SLC9A4: variants seen among roughly 807,000 people sequenced by gnomAD.
The protein encoded by SLC9A4 is sodium/hydrogen exchanger 4.
In SLC9A4, 63 loss-of-function variants were observed where a neutral mutation model predicts 67.4. The ratio of observed to expected loss-of-function variants is 0.93; its 90% CI spans 0.76 to 1.15. The LOEUF (loss-of-function observed/expected upper bound fraction) is 1.15, where lower values mean the gene tolerates loss of function less well. SLC9A4 is among the 50% of genes most tolerant of loss of function. The probability of loss-of-function intolerance (pLI) is 0.00; values close to 1 mark genes in which losing one functional copy is unlikely to be tolerated. For missense variants in SLC9A4, 1,089 were observed against 987.7 expected (o/e 1.10, Z -1.38); for synonymous variants, 393 against 367.2 (o/e 1.07, Z -0.80).
chr2:102,491,310 A>C (rs1573333709), intron 2 of SLC9A4, among the ~76,000 whole-genome samples: 1 of 80,122 alleles, frequency 1.2e-5, no homozygotes, highest in African/African-American at 4.0e-5. Flanking sequence ...TCCCATTTGT[A>C]CTAATGCTTT....
chr2:102,527,305 T>TA (rs1351047137), intron 11 of SLC9A4, among the ~76,000 whole-genome samples: 1 of 152,152 alleles, frequency 6.6e-6, no homozygotes, highest in African/African-American at 2.4e-5. Flanking sequence ...ATATGATACA[T>TA]AAAAGCAAAG....
At chr2:102,527,331 G>T (rs577409898) in intron 11 of SLC9A4, among the ~76,000 whole-genome samples, 1 of 152,108 alleles carries the variant, frequency 6.6e-6, no homozygotes, top group African/African-American at 2.4e-5. Flanking sequence ...TCATTGTTTT[G>T]CAATCTTTAT....
chr2:102,532,486 G>A lies in SLC9A4; in HGVS notation c.2195G>A (p.Ser732Asn), dbSNP rs754402395. The A allele has an allele frequency of 1.9e-6, 3 of 1,614,062 alleles. No homozygotes were observed. Among genetic ancestry groups the A allele is most frequent in the East Asian group, 4.5e-5 (2 of 44,902 alleles). Reference protein sequence around the residue: ...AFSFGYQRNTSQEEYLGGVRR... With the variant: ...AFSFGYQRNTNQEEYLGGVRR... ...AGCTTTGGTTATCAAAGAAACACAA[G>A]CCAAGAAGAGTACTTGGGTGGAGTA... Residue 732 changes from serine to asparagine, a missense_variant, in exon 12 of 12, where the codon AGC becomes AAC. Physicochemically the swap from Ser to Asn is conservative, Grantham distance 46. Transcript: ENST00000295269.
chr2:102,529,436 T>A (rs750843464), intron 11 of SLC9A4, among the ~76,000 whole-genome samples: 5 of 152,236 alleles, frequency 3.3e-5, no homozygotes, highest in Non-Finnish European at 7.3e-5. Flanking sequence ...TTGTTCTTAT[T>A]TGTCATGGAA....
intron 1 of SLC9A4, among the ~76,000 whole-genome samples, chr2:102,476,984 G>C (rs1292330698): frequency 6.6e-6 from 1 of 152,154 alleles, no homozygotes; most frequent in Non-Finnish European, 1.5e-5. Context: ...ATTATACCCT[G>C]TTGTGTTAAC....
chr2:102,491,072 A>G (rs1684688378), intron 2 of SLC9A4, among the ~76,000 whole-genome samples: 1 of 152,202 alleles, frequency 6.6e-6, no homozygotes, highest in Non-Finnish European at 1.5e-5. Flanking sequence ...TTGAGAAAAA[A>G]ACAAACAAAA....
chr2:102,507,663 A>T (rs1685077260), intron 4 of SLC9A4, among the ~76,000 whole-genome samples: 1 of 152,154 alleles, frequency 6.6e-6, no homozygotes, highest in South Asian at 2.1e-4. Flanking sequence ...CCTCCTTTGG[A>T]TACCCAATGA....
In SLC9A4 at chr2:102,473,808, C is replaced by A. The variant is rs559642948; in HGVS notation, c.49C>A (p.Leu17Met). The A allele has an allele frequency of 1.2e-6, 2 of 1,614,102 alleles. No homozygotes were observed. The highest frequency in any genetic ancestry group is 2.2e-5 in the South Asian group (2 of 91,080). Residue 17 changes from leucine (L) to methionine (M), a missense_variant, in exon 1 of 12, where the codon CTG (leucine) becomes ATG (methionine). Coordinates refer to ENST00000295269, the MANE Select transcript of SLC9A4 (RefSeq NM_001011552.4). ...VTYSPWNCLL[L>M]LVALECSEAS... ...TTACAGTCCTTGGAATTGTTTGCTACTGCTAGTGGCTCTTGAGTGTTCTGA... is the reference window on the plus strand; with the variant it reads ...TTACAGTCCTTGGAATTGTTTGCTAATGCTAGTGGCTCTTGAGTGTTCTGA...
At chr2:102,515,587 T>G (rs942002133) in intron 8 of SLC9A4, among the ~76,000 whole-genome samples, 11 of 151,804 alleles carry the variant, frequency 7.2e-5, no homozygotes, top group Non-Finnish European at 2.9e-5. Context: ...AGTGCTCTGC[T>G]GCATCATGGT....
chr2:102,492,474 G>A (rs1443051682), intron 2 of SLC9A4, among the ~76,000 whole-genome samples: 2 of 152,216 alleles, frequency 1.3e-5, no homozygotes, highest in Non-Finnish European at 2.9e-5. Flanking sequence ...TGTGTAAGCT[G>A]CCAAAGCTTG....
At chr2:102,488,233 C>T (rs1473568058) in intron 2 of SLC9A4, among the ~76,000 whole-genome samples, 2 of 152,040 alleles carry the variant, frequency 1.3e-5, no homozygotes, top group African/African-American at 4.8e-5. Context: ...TGTTGGGCTG[C>T]AGTGGGAAAA....
chr2:102,520,567 T>A (rs2058656), intron 9 of SLC9A4, among the ~76,000 whole-genome samples: 1 of 152,020 alleles, frequency 6.6e-6, no homozygotes, highest in Non-Finnish European at 1.5e-5. Context: ...TAATTAGTCA[T>A]CTAACGAAGT....
intron 9 of SLC9A4, among the ~76,000 whole-genome samples, chr2:102,524,416 G>C (rs1348845292): frequency 4.6e-5 from 7 of 152,222 alleles, no homozygotes; most frequent in African/African-American, 1.7e-4. Context: ...CTGGTCTGGG[G>C]TAAAGGACAA....
intron 2 of SLC9A4, among the ~76,000 whole-genome samples, chr2:102,492,069 T>C (rs372421161): frequency 1.3e-5 from 2 of 152,354 alleles, no homozygotes; most frequent in South Asian, 2.1e-4. Context: ...CTAATGCAAG[T>C]AGGTTCCCAT....
intron 1 of SLC9A4, among the ~76,000 whole-genome samples, chr2:102,477,614 T>G (rs1306659434): frequency 1.3e-5 from 2 of 152,188 alleles, no homozygotes; most frequent in Non-Finnish European, 2.9e-5. Flanking sequence ...TAAAATGTTT[T>G]ATTATTAGTA....
chr2:102,514,434 A>G (rs933406653), intron 8 of SLC9A4, among the ~76,000 whole-genome samples, 183 bp downstream of exon 8: 1 of 152,232 alleles, frequency 6.6e-6, no homozygotes, highest in African/African-American at 2.4e-5. Flanking sequence ...CACATATTTT[A>G]CCTAGTTTCT....
At position 102,473,931 on chromosome 2, in the gene SLC9A4, T is replaced by A. The variant is rs1684274644; in HGVS notation, c.172T>A (p.Ser58Thr). The change falls in exon 1 of 12, where the codon TCT becomes ACT. Residue 58 changes from serine to threonine, a missense_variant. Ser to Thr is a moderately conservative substitution (Grantham distance 58). Coordinates refer to ENST00000295269, the MANE Select transcript of SLC9A4 (RefSeq NM_001011552.4). ...CAGCTCAGAGCCAGAGGAAGGGATA[T>A]CTGTTTTTGAACTGGATTATGACTA... ...AASSEPEEGI[S>T]VFELDYDYVQ... The A allele has an allele frequency of 3.1e-6, 5 of 1,613,948 alleles. No individual in the cohort carries two copies. The highest frequency in any genetic ancestry group is 4.2e-6 in the Non-Finnish European group (5 of 1,179,954).
chr2:102,479,027 C>G lies in SLC9A4; in HGVS notation c.445C>G (p.Arg149Gly), dbSNP rs749346841. 1.9e-6 allele frequency: 3 copies of G among 1,614,040 alleles called. No homozygotes were observed. Among genetic ancestry groups the G allele is most frequent in the Admixed American group, 1.7e-5 (1 of 59,948 alleles). Reference protein sequence around the residue: ...VLEGGYFMPTRPFFENIGSIL... With the variant: ...VLEGGYFMPTGPFFENIGSIL... ...GGAGGGCGGCTACTTCATGCCCACC[C>G]GGCCCTTCTTTGAGAACATCGGCTC... The change falls in exon 2 of 12, where the codon CGG becomes GGG. Residue 149 changes from arginine to glycine, a missense_variant. Physicochemically the swap from Arg to Gly is moderately radical, Grantham distance 125. Transcript: ENST00000295269.
intron 1 of SLC9A4, among the ~76,000 whole-genome samples, chr2:102,476,604 G>T (rs1212462596): frequency 6.6e-6 from 1 of 152,100 alleles, no homozygotes; most frequent in African/African-American, 2.4e-5. Context: ...CACACTATGG[G>T]CTCTTCCACC....
Sources: gnomAD v4.1 joint callset for allele counts (sites outside exome capture counted in the v4.1 genomes callset) on GRCh38, gnomAD v4.1.1 for gene constraint, MANE v1.5 for transcripts, NCBI Gene and HGNC (gene_info 2026-07-23, HGNC 2026-07-21) for gene names.